The following ADAM12 variants were observed in gnomAD, a reference collection of about 807,000 sequenced individuals.
ADAM12 encodes the protein disintegrin and metalloproteinase domain-containing protein 12.
A neutral mutation model predicts 106.4 loss-of-function variants in ADAM12; 70 were observed. That is an observed-to-expected ratio of 0.66 (90% CI 0.54 to 0.80). ADAM12 has a LOEUF of 0.80. Among genes scored for constraint, ADAM12 ranks in the 30% least tolerant of loss-of-function variants. The probability of loss-of-function intolerance (pLI) is 0.00; values close to 1 mark genes in which losing one functional copy is unlikely to be tolerated. For missense variants in ADAM12, 1,010 were observed against 1,171.9 expected, an observed-to-expected ratio of 0.86 and a Z score of 2.02; for synonymous variants, 420 against 433.5, an observed-to-expected ratio of 0.97 and a Z score of 0.39.
At chr10:126,150,486 T>C (rs1314844514) in intron 4 of ADAM12, among the ~76,000 whole-genome samples, 1 of 152,156 alleles carries the variant, frequency 6.6e-6, no homozygotes, top group Non-Finnish European at 1.5e-5. Context: ...AACCAACAAC[T>C]GCTCCTTAAT....
intron 17 of ADAM12, among the ~76,000 whole-genome samples, chr10:126,044,110 GAT>G (rs1196600816): frequency 6.6e-6 from 1 of 152,082 alleles, no homozygotes; most frequent in Non-Finnish European, 1.5e-5. Context: ...CCATGAAGAT[GAT>G]ATATATTTAA....
chr10:126,352,829 G>A (rs1309661350), intron 1 of ADAM12, among the ~76,000 whole-genome samples: 2 of 152,238 alleles, frequency 1.3e-5, no homozygotes, highest in Non-Finnish European at 2.9e-5. Flanking sequence ...CACCATGGCA[G>A]TGATGTGATC....
At chr10:126,315,987 T>C (rs1343688184) in intron 2 of ADAM12, among the ~76,000 whole-genome samples, 2 of 152,218 alleles carry the variant, frequency 1.3e-5, no homozygotes, top group Non-Finnish European at 2.9e-5. Flanking sequence ...CTTTTGGCAA[T>C]GCAAACGCAT....
At chr10:126,369,401 GCT>G (rs1319747041) in intron 1 of ADAM12, among the ~76,000 whole-genome samples, 4 of 152,190 alleles carry the variant, frequency 2.6e-5, no homozygotes, top group Admixed American at 6.5e-5. Context: ...TGTGATAAGT[GCT>G]CTGACAGAGA....
At chr10:126,241,962 C>CT (rs10901569) in intron 3 of ADAM12, among the ~76,000 whole-genome samples, 13,967 of 140,042 alleles carry the variant, frequency 0.1, 664 homozygotes, top group Admixed American at 0.13. Flanking sequence ...TAAAACAGAG[C>CT]TTTTTTTTTT....
intron 11 of ADAM12, among the ~76,000 whole-genome samples, chr10:126,078,712 T>G (rs1251604225): frequency 6.6e-6 from 1 of 152,184 alleles, no homozygotes; most frequent in Admixed American, 6.5e-5. Flanking sequence ...TTTATACTTT[T>G]TTTTGAATTT....
In ADAM12 at chr10:126,049,711, A is replaced by ATTT; in HGVS notation, c.1610-45_1610-43dup. 1.5e-6 allele frequency: 2 copies of ATTT among 1,320,826 alleles called. No homozygotes were observed. The highest frequency in any genetic ancestry group is 1.5e-5 in the African/African-American group (1 of 68,210). 81.8% of individuals were successfully genotyped at this position (1,320,826 alleles called of 1,614,324 possible). ...ACTGCATTTTCATCTCCTGCAGGTG[A>ATTT]TTTTTTTTTTTTCATGGCTGTAGGC... On this transcript the variant is annotated intron_variant, in intron 14 of 22. Coordinates refer to ENST00000448723, the MANE Select transcript of ADAM12 (RefSeq NM_001288973.2). The surrounding 1 kb of genome is among the most constrained non-coding windows in gnomAD (Gnocchi z 4.4).
chr10:126,124,895 CAAAA>C (rs376810493), intron 5 of ADAM12, among the ~76,000 whole-genome samples: 2 of 85,988 alleles, frequency 2.3e-5, no homozygotes, highest in Admixed American at 1.4e-4. Context: ...GACACCGTCT[CAAAA>C]AAAAAAAAAA....
In ADAM12 at chr10:126,064,109, G is replaced by A. The variant is rs954021183; in HGVS notation, c.1609+697C>T. 1.3e-5 allele frequency among the ~76,000 whole-genome samples: 2 copies of A among 152,184 alleles called. No individual in the cohort carries two copies. Among genetic ancestry groups the A allele is most frequent in the African/African-American group, 4.8e-5 (2 of 41,446 alleles). Reference sequence around the variant, plus strand: ...AAAGCTTCATAGTCCCCACTTCAGGGGCTTGTTGGAGGGTCAGAAGAGACA... The same window carrying A: ...AAAGCTTCATAGTCCCCACTTCAGGAGCTTGTTGGAGGGTCAGAAGAGACA... On this transcript the variant is annotated intron_variant, in intron 14 of 22. Transcript: ENST00000448723. This position sits in a 1 kb window ranked among gnomAD's most constrained non-coding sequence, Gnocchi z 4.4.
chr10:126,283,656 C>T (rs1283365237), intron 2 of ADAM12, among the ~76,000 whole-genome samples: 1 of 152,124 alleles, frequency 6.6e-6, no homozygotes, highest in African/African-American at 2.4e-5. Flanking sequence ...TGCTTTCTTC[C>T]TCCTCCCTTT....
intron 3 of ADAM12, among the ~76,000 whole-genome samples, chr10:126,219,238 C>T (rs951894023): frequency 3.9e-5 from 6 of 152,198 alleles, no homozygotes; most frequent in Admixed American, 3.3e-4. Context: ...TGCCTGACGA[C>T]GTGTGACCTC....
chr10:126,083,288 C>T (rs543071615), intron 11 of ADAM12, among the ~76,000 whole-genome samples: 10 of 152,298 alleles, frequency 6.6e-5, no homozygotes, highest in Admixed American at 2.6e-4. Context: ...GGTTCCTTGC[C>T]GGGACCCTGC....
chr10:126,251,321 G>A (rs867367209), intron 3 of ADAM12, among the ~76,000 whole-genome samples: 10 of 152,336 alleles, frequency 6.6e-5, no homozygotes, highest in African/African-American at 2.4e-4. Context: ...AAAGAAACCT[G>A]TCCAGAGAGT....
intron 1 of ADAM12, among the ~76,000 whole-genome samples, chr10:126,352,543 C>G (rs1243810618): frequency 1.3e-5 from 2 of 152,148 alleles, no homozygotes; most frequent in Non-Finnish European, 1.5e-5. Context: ...AGTTAGGAAA[C>G]TTGGTACTAT....
At chr10:126,149,272 C>T (rs748289) in intron 4 of ADAM12, among the ~76,000 whole-genome samples, 15,072 of 152,190 alleles carry the variant, frequency 0.099, 989 homozygotes, top group Middle Eastern at 0.21. Context: ...CCCTTCCATC[C>T]GGGCTGTTTA....
intron 14 of ADAM12, among the ~76,000 whole-genome samples, chr10:126,055,675 CT>C (rs1954614172): frequency 6.6e-6 from 1 of 152,190 alleles, no homozygotes; most frequent in South Asian, 2.1e-4. Context: ...TGGAAACCCC[CT>C]ACTTGACTAT....
intron 1 of ADAM12, among the ~76,000 whole-genome samples, chr10:126,352,868 C>T (rs1156330628): frequency 2.0e-5 from 3 of 152,228 alleles, no homozygotes; most frequent in Non-Finnish European, 4.4e-5. Flanking sequence ...TAAGAATGTA[C>T]ATTCAAAACA....
At chr10:126,187,385 G>A (rs997412966) in intron 3 of ADAM12, among the ~76,000 whole-genome samples, 2 of 152,050 alleles carry the variant, frequency 1.3e-5, no homozygotes, top group Admixed American at 1.3e-4. Flanking sequence ...TGCTGCTGGG[G>A]GCATTTCAGT....
chr10:126,099,687 G>C (rs1955623593), intron 9 of ADAM12, among the ~76,000 whole-genome samples: 1 of 152,164 alleles, frequency 6.6e-6, no homozygotes, highest in South Asian at 2.1e-4. Flanking sequence ...GTAGGGGCAG[G>C]GGGGAACCCT....
Sources: allele counts gnomAD v4.1 joint callset (sites outside exome capture counted in the v4.1 genomes callset), GRCh38; gene constraint gnomAD v4.1.1; non-coding constraint Gnocchi (gnomAD v3.1); transcripts MANE v1.5; gene names NCBI Gene and HGNC (gene_info 2026-07-23, HGNC 2026-07-21).